The following GNAI3 variants were observed in gnomAD, a reference collection of about 807,000 sequenced individuals.
GNAI3 encodes G protein subunit alpha i3.
GNAI3 carries 12 observed loss-of-function variants against 41.8 expected under a neutral mutation model. The ratio of observed to expected loss-of-function variants is 0.29; its 90% CI spans 0.18 to 0.47. The LOEUF (loss-of-function observed/expected upper bound fraction) is 0.47. GNAI3 is among the 20% of genes least tolerant of loss of function. The pLI is 1.00. For synonymous variants in GNAI3, 132 were observed against 146.5 expected (o/e 0.90, Z 0.71); for missense variants, 360 against 429.6 (o/e 0.84, Z 1.43).
chr1:109,576,465 G>A (rs1034314856), intron 3 of GNAI3, among the ~76,000 whole-genome samples: 1 of 151,748 alleles, frequency 6.6e-6, no homozygotes, highest in Non-Finnish European at 1.5e-5. Flanking sequence ...GCTTAAGTGT[G>A]GAGGTGTGAA....
intron 7 of GNAI3, among the ~76,000 whole-genome samples, chr1:109,588,085 A>C (rs376675332): frequency 6.6e-6 from 1 of 152,174 alleles, no homozygotes; most frequent in African/African-American, 2.4e-5. Context: ...ATCTCTGGTA[A>C]AAAGATCAGA....
intron 7 of GNAI3, among the ~76,000 whole-genome samples, chr1:109,591,826 C>T (rs1433013071): frequency 6.6e-6 from 1 of 152,184 alleles, no homozygotes; most frequent in African/African-American, 2.4e-5. Flanking sequence ...ATGTTTTCCT[C>T]AATCTTTGTG....
chr1:109,555,044 A>T (rs80326122), intron 1 of GNAI3, among the ~76,000 whole-genome samples: 3,592 of 152,320 alleles, frequency 0.024, 155 homozygotes, highest in African/African-American at 0.082. Flanking sequence ...ATACAAACAA[A>T]TGGAAACACG....
At chr1:109,549,351 A>G (rs1180852992) in intron 1 of GNAI3, among the ~76,000 whole-genome samples, 1 of 152,176 alleles carries the variant, frequency 6.6e-6, no homozygotes, top group Non-Finnish European at 1.5e-5. Context: ...TTTGTTAGTA[A>G]GAGAGCCATT....
At chr1:109,569,242 C>G (rs1044388821) in intron 1 of GNAI3, among the ~76,000 whole-genome samples, 1 of 152,210 alleles carries the variant, frequency 6.6e-6, no homozygotes, top group Non-Finnish European at 1.5e-5. Context: ...TGTATCCTAA[C>G]CCCCTGCATA....
intron 7 of GNAI3, 78 bp downstream of exon 7, chr1:109,586,960 C>CTTT: frequency 6.9e-6 from 5 of 723,202 alleles, no homozygotes; most frequent in Non-Finnish European, 8.9e-6. Flanking sequence ...ATAAAACTGC[C>CTTT]TTTTTTTTTT....
intron 1 of GNAI3, among the ~76,000 whole-genome samples, chr1:109,551,993 C>G (rs1421158606): frequency 6.6e-6 from 1 of 152,088 alleles, no homozygotes; most frequent in African/African-American, 2.4e-5. Context: ...GAAACCCCAT[C>G]TCTACTAAAA....
intron 6 of GNAI3, among the ~76,000 whole-genome samples, 160 bp from the exon 7 acceptor site, chr1:109,586,569 T>A (rs1280884898): frequency 6.6e-6 from 1 of 152,176 alleles, no homozygotes; most frequent in Non-Finnish European, 1.5e-5. Context: ...CCCCAAAAAT[T>A]ACAAAAATGA....
rs1302968315 is a variant in GNAI3, at chr1:109,586,902, T to A, written c.874+20T>A. 6.5e-7 allele frequency: 1 copy of A among 1,538,874 alleles called. No homozygotes were observed. Among genetic ancestry groups the A allele is most frequent in the South Asian group, 1.1e-5 (1 of 88,434 alleles). ...ACACAGGTAAGGGGTTATGAAAGATTTTATTGGAGGTACACATCTTACTTA... is the reference window on the plus strand; with the variant it reads ...ACACAGGTAAGGGGTTATGAAAGATATTATTGGAGGTACACATCTTACTTA... On this transcript the variant is annotated intron_variant, in intron 7 of 8. Coordinates refer to ENST00000369851, the MANE Select transcript of GNAI3 (RefSeq NM_006496.4).
intron 1 of GNAI3, among the ~76,000 whole-genome samples, chr1:109,562,501 G>GT (rs1000264192): frequency 1.7e-4 from 26 of 151,734 alleles, no homozygotes; most frequent in South Asian, 2.1e-4. Flanking sequence ...CTGCCTTTTT[G>GT]TTTTTTTTGC....
intron 5 of GNAI3, among the ~76,000 whole-genome samples, chr1:109,583,135 G>A (rs910553494): frequency 3.3e-5 from 5 of 152,174 alleles, no homozygotes; most frequent in Middle Eastern, 3.2e-3. Flanking sequence ...GTGCAGAATG[G>A]AAAATAGACT....
Position 109,593,247 on chromosome 1 carries a change from T to C in GNAI3, c.*925T>C, listed in dbSNP as rs1238998291. 1 of 152,684 alleles carries C rather than the reference T, an allele frequency of 6.5e-6. No homozygotes were observed. The highest frequency in any genetic ancestry group is 1.5e-5 in the Non-Finnish European group (1 of 68,040). The allele number at this position is 152,684 out of a possible 1,614,324, so 9.5% of individuals were successfully genotyped here. On this transcript the variant is annotated 3_prime_UTR_variant, in exon 9 of 9. Transcript: ENST00000369851. ...TCTCAGTTATAGGGAGTTTTGTACA[T>C]GGTGCCTCTTGTTTTCCATCTTCAT... is the stretch of plus-strand genomic sequence containing the variant.
intron 1 of GNAI3, among the ~76,000 whole-genome samples, chr1:109,571,357 G>C (rs1207342353): frequency 6.6e-6 from 1 of 152,208 alleles, no homozygotes; most frequent in African/African-American, 2.4e-5. Context: ...GAAATCATTA[G>C]TATAGAGACA....
Position 109,595,720 on chromosome 1 carries a change from GA to G in GNAI3, c.*3400del, listed in dbSNP as rs1265875730. On this transcript the variant is annotated 3_prime_UTR_variant, in exon 9 of 9. Transcript: ENST00000369851. ...GCTTAGCATGTGTGACATAGTTCTGGAATTTCCTGTTGCAGAACTCCTTGCT... is the reference window on the plus strand; with the variant it reads ...GCTTAGCATGTGTGACATAGTTCTGGATTTCCTGTTGCAGAACTCCTTGCT... 6.6e-6 allele frequency: 1 copy of G among 151,556 alleles called. No individual in the cohort carries two copies. Among genetic ancestry groups the G allele is most frequent in the Non-Finnish European group, 1.5e-5 (1 of 67,948 alleles). The allele number at this position is 151,556 out of a possible 1,614,324, so 9.4% of individuals were successfully genotyped here.
chr1:109,560,112 T>G (rs944554617), intron 1 of GNAI3, among the ~76,000 whole-genome samples: 1 of 152,318 alleles, frequency 6.6e-6, no homozygotes, highest in Middle Eastern at 3.4e-3. Flanking sequence ...TTCCTTTGAT[T>G]TCCAAGTTAG....
rs1649360819 is a variant in GNAI3, at chr1:109,598,155, C to A, written c.*5833C>A. 6.6e-6 allele frequency: 1 copy of A among 152,208 alleles called. No individual in the cohort carries two copies. Among genetic ancestry groups the A allele is most frequent in the South Asian group, 2.1e-4 (1 of 4,828 alleles). 9.4% of individuals were successfully genotyped at this position (152,208 alleles called of 1,614,324 possible). A position where few individuals can be genotyped will look rare whatever the true frequency, so the allele number is the denominator to read the frequency against. ...TACCTCTCCCTACGCCCAAAATTCT[C>A]CTTAGGTTATCCAGACATTTTTACT... is the stretch of plus-strand genomic sequence containing the variant. On this transcript the variant is annotated 3_prime_UTR_variant, in exon 9 of 9. Transcript: ENST00000369851.
Position 109,593,509 on chromosome 1 carries a change from A to T in GNAI3, c.*1187A>T, listed in dbSNP as rs142981211. On this transcript the variant is annotated 3_prime_UTR_variant, in exon 9 of 9. Transcript: ENST00000369851. ...GGCAGTATTAAAATGGTGAGTAAAGAGCCCAGGTTTGCTCCTGTTTGTAAC... is the reference window on the plus strand; with the variant it reads ...GGCAGTATTAAAATGGTGAGTAAAGTGCCCAGGTTTGCTCCTGTTTGTAAC... 6.5e-6 allele frequency: 1 copy of T among 152,768 alleles called. No homozygotes were observed. The highest frequency in any genetic ancestry group is 2.4e-5 in the African/African-American group (1 of 41,582). The allele number at this position is 152,768 out of a possible 1,614,324, so 9.5% of individuals were successfully genotyped here.
chr1:109,573,728 T>C lies in GNAI3; in HGVS notation c.119-9T>C. Reference sequence around the variant, plus strand: ...GAGAAATTCAAAGTCTGGTTTTCTTTTCTTACAGGTGCTGGAGAATCTGGT... The same window carrying C: ...GAGAAATTCAAAGTCTGGTTTTCTTCTCTTACAGGTGCTGGAGAATCTGGT... On this transcript the variant is annotated splice_polypyrimidine_tract_variant and intron_variant, in intron 1 of 8. Transcript: ENST00000369851. 1 of 1,602,684 alleles carries C rather than the reference T, an allele frequency of 6.2e-7. No individual in the cohort carries two copies. Among genetic ancestry groups the C allele is most frequent in the Non-Finnish European group, 8.5e-7 (1 of 1,169,836 alleles).
intron 1 of GNAI3, among the ~76,000 whole-genome samples, chr1:109,563,495 G>A (rs1051119628): frequency 2.0e-5 from 3 of 152,138 alleles, no homozygotes; most frequent in Admixed American, 6.5e-5. Flanking sequence ...GGAACTCTAC[G>A]TACTTCTCCC....
Sources: gnomAD v4.1 joint callset for allele counts (sites outside exome capture counted in the v4.1 genomes callset) on GRCh38, gnomAD v4.1.1 for gene constraint, MANE v1.5 for transcripts, NCBI Gene and HGNC (gene_info 2026-07-23, HGNC 2026-07-21) for gene names.